ACP1: variants seen among roughly 807,000 people sequenced by gnomAD.
ACP1 encodes acid phosphatase 1, also known as low molecular weight phosphotyrosine protein phosphatase.
Under a neutral mutation model 23.4 loss-of-function variants are expected in ACP1, and 23 were observed. The ratio of observed to expected loss-of-function variants is 0.98; its 90% confidence interval spans 0.71 to 1.39. The LOEUF (loss-of-function observed/expected upper bound fraction) is 1.39. ACP1 is among the 40% of genes most tolerant of loss of function. ACP1 has a pLI of 0.00. For synonymous variants in ACP1, 72 were observed against 67.2 expected, an observed-to-expected ratio of 1.07 and a Z score of -0.35; for missense variants, 180 against 197.7, an observed-to-expected ratio of 0.91 and a Z score of 0.54.
chr2:267,491 G>A (rs753386356), intron 1 of ACP1, among the ~76,000 whole-genome samples: 1 of 152,242 alleles, frequency 6.6e-6, no homozygotes, highest in Non-Finnish European at 1.5e-5. Flanking sequence ...CTTGAAGGAG[G>A]TGAGGAAGCA....
At chr2:266,218 T>G in intron 1 of ACP1, 1 of 152,234 alleles carries the variant, frequency 6.6e-6, no homozygotes, top group East Asian at 1.9e-4. Flanking sequence ...GTTTTCAGCT[T>G]TAGGACAATA....
At chr2:266,155 C>T (rs930148278) in intron 1 of ACP1, 1 of 152,000 alleles carries the variant, frequency 6.6e-6, no homozygotes, top group Non-Finnish European at 1.5e-5. Flanking sequence ...TGTTGAAATC[C>T]CAGCTGAGTT....
At chr2:276,666 CCTTT>C (rs1228263276) in intron 4 of ACP1, among the ~76,000 whole-genome samples, 1 of 152,090 alleles carries the variant, frequency 6.6e-6, no homozygotes, top group African/African-American at 2.4e-5. Context: ...GTTTTGGGTT[CCTTT>C]CTATGACCTT....
intron 4 of ACP1, among the ~76,000 whole-genome samples, chr2:276,500 A>G (rs1051101675): frequency 6.6e-6 from 1 of 152,144 alleles, no homozygotes; most frequent in African/African-American, 2.4e-5. Flanking sequence ...TAAGGGTGGA[A>G]GTCTAGAGTG....
chr2:268,915 A>T (rs1301704050), intron 1 of ACP1, among the ~76,000 whole-genome samples: 2 of 152,314 alleles, frequency 1.3e-5, no homozygotes, highest in Admixed American at 1.3e-4. Context: ...GACAGTTAAT[A>T]ATGCAAGTTT....
chr2:269,383 T>C (rs934492975), intron 1 of ACP1: 12 of 468,792 alleles, frequency 2.6e-5, no homozygotes, highest in Non-Finnish European at 8.8e-6. Context: ...ATGTAGAAAC[T>C]GAAGGCTGTA....
chr2:277,635 C>A lies in ACP1; in HGVS notation c.*331C>A. Reference sequence around the variant, plus strand: ...CTCACTTGAAGGCCCAGGTCAACATCTAAGCCTGTTGAGACTTAGATAATC... The same window carrying A: ...CTCACTTGAAGGCCCAGGTCAACATATAAGCCTGTTGAGACTTAGATAATC... On this transcript the variant is annotated 3_prime_UTR_variant, in exon 6 of 6. Transcript: ENST00000272065. 9.0e-6 allele frequency: 3 copies of A among 332,752 alleles called. No individual in the cohort carries two copies. The South Asian group carries it at 9.5e-5, about 11-fold the overall frequency. 20.6% of individuals were successfully genotyped at this position (332,752 alleles called of 1,614,324 possible).
chr2:275,848 A>G (rs1468441985), intron 4 of ACP1, among the ~76,000 whole-genome samples: 1 of 152,230 alleles, frequency 6.6e-6, no homozygotes, highest in Non-Finnish European at 1.5e-5. Flanking sequence ...ATTCATAAAT[A>G]TCTCATGTTT....
In ACP1 at chr2:277,105, T is replaced by C; in HGVS notation, c.399+20T>C. On this transcript the variant is annotated intron_variant, in intron 5 of 5. Transcript: ENST00000272065. ...TATTATGTAAGTACAGTTCACGTTT[T>C]AGGGCTAATATGAAGACCCAACACA... The C allele has an allele frequency of 6.3e-7, 1 of 1,587,690 alleles. No individual in the cohort carries two copies. The highest frequency in any genetic ancestry group is 8.7e-7 in the Non-Finnish European group (1 of 1,156,024).
chr2:274,026 T>G (rs908535108), intron 3 of ACP1, among the ~76,000 whole-genome samples: 3 of 152,108 alleles, frequency 2.0e-5, no homozygotes, highest in African/African-American at 7.2e-5. Context: ...AGCTGGGTGC[T>G]ATGACATATG....
At chr2:268,059 T>C (rs1484882446) in intron 1 of ACP1, among the ~76,000 whole-genome samples, 2 of 152,228 alleles carry the variant, frequency 1.3e-5, no homozygotes. Flanking sequence ...ACCCCTGTTT[T>C]AGGTCCAGAT....
chr2:269,056 A>G (rs749307481), intron 1 of ACP1, among the ~76,000 whole-genome samples: 2 of 152,256 alleles, frequency 1.3e-5, no homozygotes, highest in African/African-American at 4.8e-5. Context: ...CAGATCCAAA[A>G]TAATAATTGT....
Position 277,208 on chromosome 2 carries a change from C to T in ACP1, c.400-19C>T. The T allele has an allele frequency of 1.9e-6, 3 of 1,613,872 alleles. No individual in the cohort carries two copies. Among genetic ancestry groups the T allele is most frequent in the Non-Finnish European group, 2.5e-6 (3 of 1,179,786 alleles). ...GTTATGCAGGTTTTGCCATTTTCTT[C>T]TTTTTCCTGTCCATTTAGGGGAATG... On this transcript the variant is annotated intron_variant, in intron 5 of 5. Coordinates refer to ENST00000272065, the MANE Select transcript of ACP1 (RefSeq NM_004300.4).
rs116051772 is a variant in ACP1, at chr2:265,015, G to A, written c.43+8G>A. 2,525 of 1,612,678 alleles carry A rather than the reference G, an allele frequency of 1.6e-3. 28 individuals carry two copies. In the African/African-American group the frequency reaches 0.028, roughly 18 times the overall value. On this transcript the variant is annotated splice_region_variant and intron_variant, in intron 1 of 5. Transcript: ENST00000272065. ...TGCTGTTTGTGTGTCTGGGTAAGAGGGCGCCGACTTACTCATGTTCTGACG... is the reference window on the plus strand; with the variant it reads ...TGCTGTTTGTGTGTCTGGGTAAGAGAGCGCCGACTTACTCATGTTCTGACG...
intron 2 of ACP1, 34 bp downstream of exon 2, chr2:271,973 CT>C (rs1207083550): frequency 1.2e-5 from 20 of 1,605,362 alleles, no homozygotes; most frequent in Non-Finnish European, 1.5e-5. Flanking sequence ...AGAGGCCAAC[CT>C]GAACTCCTCT....
At chr2:271,412 G>A (rs564436371) in intron 1 of ACP1, among the ~76,000 whole-genome samples, 10 of 151,986 alleles carry the variant, frequency 6.6e-5, no homozygotes, top group African/African-American at 1.7e-4. Flanking sequence ...GAGTATGCAC[G>A]TTTTGGTATA....
intron 1 of ACP1, chr2:265,259 C>A: frequency 2.1e-6 from 1 of 479,562 alleles, no homozygotes; most frequent in Non-Finnish European, 3.7e-6. Context: ...CATCTGCAGC[C>A]ACAGCCCCTA....
chr2:272,317 C>G, intron 3 of ACP1, 167 bp downstream of exon 3: 1 of 1,608,710 alleles, frequency 6.2e-7, no homozygotes. Context: ...TAGACAAGCT[C>G]TTGTTCAATT....
chr2:268,721 C>T (rs1669955991), intron 1 of ACP1, among the ~76,000 whole-genome samples: 1 of 152,208 alleles, frequency 6.6e-6, no homozygotes, highest in Non-Finnish European at 1.5e-5. Context: ...TGAGACTTTA[C>T]AGATTGAAAC....
Sources: allele counts gnomAD v4.1 joint callset (sites outside exome capture counted in the v4.1 genomes callset), GRCh38; gene constraint gnomAD v4.1.1; transcripts MANE v1.5; gene names NCBI Gene and HGNC (gene_info 2026-07-23, HGNC 2026-07-21).